Variants in BPTF observed in about 807,000 individuals in gnomAD.
BPTF encodes the protein bromodomain PHD finger transcription factor.
In BPTF, 18 loss-of-function variants were observed where a neutral mutation model predicts 292.5. That is an observed-to-expected ratio of 0.06 (90% CI 0.04 to 0.09). The LOEUF (loss-of-function observed/expected upper bound fraction) is 0.09, where lower values mean the gene tolerates loss of function less well. Ranked by LOEUF, BPTF falls within the 10% of genes least tolerant of loss-of-function variation. The probability of loss-of-function intolerance (pLI) is 1.00; values close to 1 mark genes in which losing one functional copy is unlikely to be tolerated. For missense variants in BPTF, 2,726 were observed against 3,498.7 expected (o/e 0.78, Z 5.57); for synonymous variants, 1,225 against 1,251.9 (o/e 0.98, Z 0.45).
chr17:67,930,024 G>T lies in BPTF; in HGVS notation c.6150+537G>T, dbSNP rs188361706. Reference sequence around the variant, plus strand: ...CCAGCACCTCAGGAGGCTGAGGTGGGAGGATGGCTTGAGCCTGGGAGGGGA... The same window carrying T: ...CCAGCACCTCAGGAGGCTGAGGTGGTAGGATGGCTTGAGCCTGGGAGGGGA... On this transcript the variant is annotated intron_variant, in intron 17 of 27. Transcript: ENST00000306378. 9.2e-4 allele frequency among the ~76,000 whole-genome samples: 139 copies of T among 151,834 alleles called. 1 individual carries two copies. The highest frequency in any genetic ancestry group is 3.0e-3 in the African/African-American group (126 of 41,416).
chr17:67,954,859 A>G (rs550822970), intron 23 of BPTF, among the ~76,000 whole-genome samples: 3 of 152,318 alleles, frequency 2.0e-5, no homozygotes, highest in Admixed American at 1.3e-4. Flanking sequence ...GTCTCTCTCT[A>G]TAAATAGAGA....
At chr17:67,968,996 TAAAC>T (rs745489803) in intron 26 of BPTF, among the ~76,000 whole-genome samples, 43 of 148,516 alleles carry the variant, frequency 2.9e-4, no homozygotes, top group South Asian at 8.5e-4. Flanking sequence ...AAATAAAAAA[TAAAC>T]AAAATAAATA....
intron 1 of BPTF, among the ~76,000 whole-genome samples, chr17:67,851,081 G>A (rs2058366623): frequency 6.6e-6 from 1 of 152,146 alleles, no homozygotes; most frequent in Non-Finnish European, 1.5e-5. Context: ...AGACTGGGAA[G>A]CAACAGCCTG....
chr17:67,852,373 C>T (rs1477691598), intron 1 of BPTF, among the ~76,000 whole-genome samples: 2 of 151,880 alleles, frequency 1.3e-5, no homozygotes, highest in Non-Finnish European at 2.9e-5. Context: ...TTTCCTGTCC[C>T]CCGACTCTCC....
chr17:67,984,275 T>C lies in BPTF; in HGVS notation c.*1987T>C, dbSNP rs1187348031. The C allele has an allele frequency of 6.6e-5, 10 of 152,602 alleles. No individual in the cohort carries two copies. The highest frequency in any genetic ancestry group is 2.4e-4 in the African/African-American group (10 of 41,440). The allele number at this position is 152,602 out of a possible 1,614,324, so 9.5% of individuals were successfully genotyped here. A position where few individuals can be genotyped will look rare whatever the true frequency, so the allele number is the denominator to read the frequency against. ...AACTTTCCTACCTGTAGGCAATAGA[T>C]TGCTATGTTTTTAACAAATTGTGGC... is the stretch of plus-strand genomic sequence containing the variant. On this transcript the variant is annotated 3_prime_UTR_variant, in exon 28 of 28. Coordinates refer to ENST00000306378, the MANE Select transcript of BPTF (RefSeq NM_182641.4).
chr17:67,953,956 CTTTTCTTTTTTTTTTTTTTTT>C (rs1568167261), intron 23 of BPTF, among the ~76,000 whole-genome samples: 4 of 53,332 alleles, frequency 7.5e-5, no homozygotes, highest in Non-Finnish European at 1.2e-4. Context: ...TTTTTCTTTT[CTTTTCTTTTTTTTTTTTTTTT>C]TTTTTTTTTT....
chr17:67,854,903 T>C lies in BPTF; in HGVS notation c.1436+141T>C, dbSNP rs2058600630. ...TTATACAGTTAAATAATTTCTTAATTGAAGGAATATGTGCATTAAAATAGC... is the reference window on the plus strand; with the variant it reads ...TTATACAGTTAAATAATTTCTTAATCGAAGGAATATGTGCATTAAAATAGC... On this transcript the variant is annotated intron_variant, in intron 2 of 27. Transcript: ENST00000306378. This position sits in a 1 kb window ranked among gnomAD's most constrained non-coding sequence, Gnocchi z 5.6. 5 of 644,906 alleles carry C rather than the reference T, an allele frequency of 7.8e-6. No homozygotes were observed. Among genetic ancestry groups the C allele is most frequent in the Non-Finnish European group, 1.3e-5 (5 of 380,146 alleles). The allele number at this position is 644,906 out of a possible 1,614,324, so 39.9% of individuals were successfully genotyped here. A position where few individuals can be genotyped will look rare whatever the true frequency, so the allele number is the denominator to read the frequency against.
intron 24 of BPTF, chr17:67,960,472 A>G (rs1165770307): frequency 6.6e-6 from 1 of 152,216 alleles, no homozygotes; most frequent in Non-Finnish European, 1.5e-5. Context: ...AACGTCCAAC[A>G]GTTTGGCAGC....
At chr17:67,938,479 G>A (rs1294929219) in intron 18 of BPTF, among the ~76,000 whole-genome samples, 1 of 152,148 alleles carries the variant, frequency 6.6e-6, no homozygotes, top group African/African-American at 2.4e-5. Context: ...AGTTGTTAAA[G>A]CTATTATAAA....
chr17:67,897,164 T>C (rs946057791), intron 7 of BPTF, among the ~76,000 whole-genome samples: 1 of 139,326 alleles, frequency 7.2e-6, no homozygotes, highest in African/African-American at 2.6e-5. Context: ...CTTTCTCTAC[T>C]TAAAAAAAAC....
At chr17:67,935,138 A>G (rs1318542901) in intron 18 of BPTF, among the ~76,000 whole-genome samples, 1 of 151,970 alleles carries the variant, frequency 6.6e-6, no homozygotes, top group African/African-American at 2.4e-5. Context: ...TCGAAAGAAA[A>G]CAAGACCTGA....
At chr17:67,910,009 C>A (rs991233967) in intron 10 of BPTF, among the ~76,000 whole-genome samples, 4 of 152,156 alleles carry the variant, frequency 2.6e-5, no homozygotes, top group African/African-American at 7.2e-5. Context: ...CTCATTCATA[C>A]CCATTAGCAG....
At chr17:67,830,539 G>A (rs765412513) in intron 1 of BPTF, among the ~76,000 whole-genome samples, 2 of 149,758 alleles carry the variant, frequency 1.3e-5, no homozygotes, top group African/African-American at 4.9e-5. Context: ...TAAGGAGGGC[G>A]AGATAATATA....
intron 23 of BPTF, among the ~76,000 whole-genome samples, chr17:67,957,611 C>G (rs1413833093): frequency 6.6e-6 from 1 of 152,186 alleles, no homozygotes; most frequent in Non-Finnish European, 1.5e-5. Context: ...TGGCTCATAC[C>G]TGTCATCCCA....
intron 13 of BPTF, among the ~76,000 whole-genome samples, chr17:67,921,026 G>A (rs1215933271): frequency 3.3e-5 from 5 of 151,524 alleles, no homozygotes; most frequent in African/African-American, 1.2e-4. Flanking sequence ...AGACAATGTA[G>A]TGAAACCCTA....
In BPTF at chr17:67,911,232, G is replaced by C; in HGVS notation, c.3348G>C (p.Gln1116His). ...TAACGAAAGCAAAAGAAGGGTGTCA[G>C]AGTGACTCGATGAGACAAGAACAGA... ...PVITKAKEGC[Q>H]SDSMRQEQSP... is the part of the protein sequence containing the mutation. Residue 1116 changes from glutamine to histidine, a missense_variant, in exon 11 of 28, where the codon CAG (glutamine) becomes CAC (histidine). Physicochemically the swap from Gln to His is conservative, Grantham distance 24. Around this residue, in one of 22 missense-constraint regions of BPTF, gnomAD observed 713 missense variants for 714.9 expected, o/e 1.00. Transcript: ENST00000306378. The C allele has an allele frequency of 6.2e-7, 1 of 1,614,016 alleles. No homozygotes were observed. Among genetic ancestry groups the C allele is most frequent in the Non-Finnish European group, 8.5e-7 (1 of 1,179,992 alleles).
At chr17:67,898,048 G>A (rs1205581602) in intron 7 of BPTF, among the ~76,000 whole-genome samples, 1 of 152,190 alleles carries the variant, frequency 6.6e-6, no homozygotes, top group Non-Finnish European at 1.5e-5. Context: ...CCAATACTAG[G>A]AGATTACTAA....
intron 22 of BPTF, 107 bp downstream of exon 22, chr17:67,947,915 T>C: frequency 2.4e-6 from 3 of 1,255,852 alleles, no homozygotes; most frequent in Non-Finnish European, 3.3e-6. Context: ...GTTCATTAAA[T>C]GAGAACACTT....
At chr17:67,853,498 A>C (rs2144963941) in intron 1 of BPTF, among the ~76,000 whole-genome samples, 1 of 152,326 alleles carries the variant, frequency 6.6e-6, no homozygotes, top group East Asian at 1.9e-4. Flanking sequence ...TGCAGCTGAC[A>C]GTGTGAGATC....
Sources: gnomAD v4.1 joint callset for allele counts (sites outside exome capture counted in the v4.1 genomes callset) on GRCh38, gnomAD v4.1.1 for gene constraint, gnomAD v4.1.1 regional missense constraint, Gnocchi (gnomAD v3.1) non-coding constraint, MANE v1.5 for transcripts, NCBI Gene and HGNC (gene_info 2026-07-23, HGNC 2026-07-21) for gene names.